Variants in NLRP10 observed in about 807,000 individuals in gnomAD.
The protein encoded by NLRP10 is NLR family pyrin domain containing 10.
A neutral mutation model predicts 8.2 loss-of-function variants in NLRP10; 7 were observed. The observed-to-expected ratio is 0.85, with a 90% CI of 0.48 to 1.60. The LOEUF (loss-of-function observed/expected upper bound fraction) is 1.60. Ranked by LOEUF, NLRP10 falls within the 40% of genes most tolerant of loss-of-function variation. NLRP10 has a pLI of 0.00. For synonymous variants in NLRP10, 338 were observed against 314.0 expected, an observed-to-expected ratio of 1.08 and a Z score of -0.81; for missense variants, 814 against 776.3, an observed-to-expected ratio of 1.05 and a Z score of -0.58.
chr11:7,962,253 T>TTTTTTTTTTTTTA (rs1941745038), intron 2 of NLRP10, among the ~76,000 whole-genome samples: 5 of 135,710 alleles, frequency 3.7e-5, no homozygotes, highest in South Asian at 2.5e-4. Context: ...TTTTTTTTTT[T>TTTTTTTTTTTTTA]GAGATGGAGT....
chr11:7,958,092 T>C lies in NLRP10; in HGVS notation c.*1552A>G, dbSNP rs1941649985. ...TGAATACTATTACATTATGTGGATGTATCACAGTTTGCTTATCCATCACCT... is the reference window on the plus strand; with the variant it reads ...TGAATACTATTACATTATGTGGATGCATCACAGTTTGCTTATCCATCACCT... On this transcript the variant is annotated 3_prime_UTR_variant, in exon 3 of 3. Coordinates refer to ENST00000691676, the MANE Select transcript of NLRP10 (RefSeq NM_001391958.1). Among the ~76,000 whole-genome samples, 1 of 152,220 alleles carries C rather than the reference T, an allele frequency of 6.6e-6. No individual in the cohort carries two copies. Among genetic ancestry groups the C allele is most frequent in the Non-Finnish European group, 1.5e-5 (1 of 68,040 alleles).
chr11:7,961,031 G>GT lies in NLRP10; in HGVS notation c.580dup (p.Thr194AsnfsTer8). The GT allele has an allele frequency of 6.2e-7, 1 of 1,614,192 alleles. No homozygotes were observed. The highest frequency in any genetic ancestry group is 8.5e-7 in the Non-Finnish European group (1 of 1,180,030). On this transcript the variant is annotated frameshift_variant, in exon 3 of 3. Coordinates refer to ENST00000691676, the MANE Select transcript of NLRP10 (RefSeq NM_001391958.1). LOFTEE classifies it low-confidence loss of function (END_TRUNC). ...ATAATCAAACCGGCCTGGGTACAGAGTACCGGTGGCCCAGTCCAACACCAT... is the reference window on the plus strand; with the variant it reads ...ATAATCAAACCGGCCTGGGTACAGAGTTACCGGTGGCCCAGTCCAACACCAT...
In NLRP10 at chr11:7,957,893, C is replaced by G. The variant is rs1428588210; in HGVS notation, c.*1751G>C. 6.6e-6 allele frequency among the ~76,000 whole-genome samples: 1 copy of G among 152,148 alleles called. No homozygotes were observed. The highest frequency in any genetic ancestry group is 1.5e-5 in the Non-Finnish European group (1 of 68,030). Reference sequence around the variant, plus strand: ...TTATCTCTCCCTGACTCTCCTTGAACCCCTGACAACCACTGATTTTTAATT... The same window carrying G: ...TTATCTCTCCCTGACTCTCCTTGAAGCCCTGACAACCACTGATTTTTAATT... On this transcript the variant is annotated 3_prime_UTR_variant, in exon 3 of 3. Coordinates refer to ENST00000691676, the MANE Select transcript of NLRP10 (RefSeq NM_001391958.1).
chr11:7,959,383 T>A lies in NLRP10; in HGVS notation c.*261A>T, dbSNP rs548566733. On this transcript the variant is annotated 3_prime_UTR_variant, in exon 3 of 3. Transcript: ENST00000691676. The stretch of plus-strand genomic sequence containing the variant: ...CCAACTTTGTTCTTCTTCAATATTT[T>A]ATTGGCTATTCTGAGTCTTTTGCCT... 22 of 370,596 alleles carry A rather than the reference T, an allele frequency of 5.9e-5. 1 individual carries two copies. The South Asian group carries it at 1.7e-3, about 29-fold the overall frequency. The allele number at this position is 370,596 out of a possible 1,614,324, so 23.0% of individuals were successfully genotyped here. A position where few individuals can be genotyped will look rare whatever the true frequency, so the allele number is the denominator to read the frequency against.
intron 1 of NLRP10, 137 bp downstream of exon 1, chr11:7,965,108 AC>A (rs1183533211): frequency 6.6e-6 from 1 of 152,264 alleles, no homozygotes; most frequent in Non-Finnish European, 1.5e-5. Flanking sequence ...GGATCAATTT[AC>A]AACAAAGCTT....
In NLRP10 at chr11:7,963,680, G is replaced by A. The variant is rs114784697; in HGVS notation, c.-45-140C>T. On this transcript the variant is annotated intron_variant, in intron 1 of 2. Coordinates refer to ENST00000691676, the MANE Select transcript of NLRP10 (RefSeq NM_001391958.1). The stretch of plus-strand genomic sequence containing the variant: ...TCCAAGAAAGACAAGCAGATGAAAC[G>A]CAGGGGAATTTTCCTAGTCATTCCC... 905 of 591,116 alleles carry A rather than the reference G, an allele frequency of 1.5e-3. 6 individuals carry two copies. In the African/African-American group the frequency reaches 0.015, roughly 10 times the overall value. 36.6% of individuals were successfully genotyped at this position (591,116 alleles called of 1,614,324 possible). A position where few individuals can be genotyped will look rare whatever the true frequency, so the allele number is the denominator to read the frequency against.
rs1241593716 is a variant in NLRP10 at position 7,959,362 on chromosome 11, CT to C, written c.*281del. 11 of 315,406 alleles carry C rather than the reference CT, an allele frequency of 3.5e-5. No individual in the cohort carries two copies. Among genetic ancestry groups the C allele is most frequent in the Non-Finnish European group, 5.7e-5 (10 of 175,934 alleles). 19.5% of individuals were successfully genotyped at this position (315,406 alleles called of 1,614,324 possible). A position where few individuals can be genotyped will look rare whatever the true frequency, so the allele number is the denominator to read the frequency against. On this transcript the variant is annotated 3_prime_UTR_variant, in exon 3 of 3. Transcript: ENST00000691676. ...AAGTTGGATAGCAGCACTCCTCCAA[CT>C]TTGTTCTTCTTCAATATTTTATTGG...
intron 1 of NLRP10, among the ~76,000 whole-genome samples, chr11:7,963,903 GA>G (rs1454012526): frequency 1.3e-5 from 2 of 150,414 alleles, no homozygotes; most frequent in Admixed American, 6.6e-5. Flanking sequence ...GATGGATTAA[GA>G]AAAAAAAGTC....
rs527561955 is a variant in NLRP10, at chr11:7,957,775, C to G, written c.*1869G>C. On this transcript the variant is annotated 3_prime_UTR_variant, in exon 3 of 3. Transcript: ENST00000691676. ...GATTCACTCTTTGTATTGTACAGCT[C>G]TATGCGTTTTGAAAAATTTATGTCA... Among the ~76,000 whole-genome samples, 2 of 152,232 alleles carry G rather than the reference C, an allele frequency of 1.3e-5. No individual in the cohort carries two copies. Among genetic ancestry groups the G allele is most frequent in the Admixed American group, 6.5e-5 (1 of 15,302 alleles).
At position 7,961,127 on chromosome 11, in the gene NLRP10, G is replaced by A. The variant is rs1941719338; in HGVS notation, c.485C>T (p.Pro162Leu). The A allele has an allele frequency of 1.2e-6, 2 of 1,614,052 alleles. 1 individual carries two copies. Among genetic ancestry groups the A allele is most frequent in the East Asian group, 4.5e-5 (2 of 44,874 alleles). ...VEALFDSGEK[P>L]SLAPSLVVLQ... ...CACAACTAAGGATGGGGCCAGTGAG[G>A]GCTTTTCCCCTGAATCAAATAGAGC... The change falls in exon 3 of 3, where the codon CCC becomes CTC. Residue 162 changes from proline (P) to leucine (L), a missense_variant. By Grantham distance (98) the Pro-to-Leu change is moderately conservative (BLOSUM62 -3). Transcript: ENST00000691676.
intron 1 of NLRP10, 189 bp from the exon 2 acceptor site, chr11:7,963,729 C>T (rs1016853889): frequency 1.6e-5 from 9 of 560,406 alleles, no homozygotes; most frequent in African/African-American, 3.8e-5. Flanking sequence ...TCAGGTGACA[C>T]GTGACTGTGT....
intron 1 of NLRP10, among the ~76,000 whole-genome samples, chr11:7,964,451 G>A (rs948206768): frequency 7.2e-5 from 11 of 152,198 alleles, no homozygotes; most frequent in African/African-American, 2.4e-4. Flanking sequence ...AAGAGGAACC[G>A]CCACCTGTGA....
rs189591377 is a variant in NLRP10 at position 7,961,408 on chromosome 11, T to C, written c.290-86A>G. 17 of 836,498 alleles carry C rather than the reference T, an allele frequency of 2.0e-5. No individual in the cohort carries two copies. The Admixed American group carries it at 2.9e-4, about 14-fold the overall frequency. The allele number at this position is 836,498 out of a possible 1,614,324, so 51.8% of individuals were successfully genotyped here. On this transcript the variant is annotated intron_variant, in intron 2 of 2. Transcript: ENST00000691676. ...CCTCCAAACTGACTCTGCTCATTAG[T>C]CTTCTTGTATGTCTCCAACTTGGAT...
At position 7,960,414 on chromosome 11, in the gene NLRP10, C is replaced by A; in HGVS notation, c.1198G>T (p.Gly400Cys). The A allele has an allele frequency of 1.2e-6, 2 of 1,613,994 alleles. No individual in the cohort carries two copies. The highest frequency in any genetic ancestry group is 1.1e-5 in the South Asian group (1 of 91,074). ...STFLPPDDDGGCSELSRHRVL... is the reference protein window; with the variant it reads ...STFLPPDDDGCCSELSRHRVL... ...CTGTGCCGGGAAAGCTCGGAGCAGC[C>A]CCCATCATCATCGGGCGGCAGAAAG... The change falls in exon 3 of 3, where the codon GGC becomes TGC. Residue 400 changes from glycine to cysteine, a missense_variant. Coordinates refer to ENST00000691676, the MANE Select transcript of NLRP10 (RefSeq NM_001391958.1).
Position 7,960,633 on chromosome 11 carries a change from A to G in NLRP10, c.979T>C (p.Tyr327His), listed in dbSNP as rs767241055. The change falls in exon 3 of 3, where the codon TAT (tyrosine) becomes CAT (histidine). Residue 327 changes from tyrosine (Y) to histidine (H), a missense_variant. Coordinates refer to ENST00000691676, the MANE Select transcript of NLRP10 (RefSeq NM_001391958.1). ...TCAGCTTGCTTCTCATCCGTGAAAT[A>G]GGAGCTGAAGTACCTCGCCCTCTCC... Reference protein sequence around the residue: ...EEERARYFSSYFTDEKQADRA... With the variant: ...EEERARYFSSHFTDEKQADRA... 6.2e-7 allele frequency: 1 copy of G among 1,614,210 alleles called. No homozygotes were observed. Among genetic ancestry groups the G allele is most frequent in the East Asian group, 2.2e-5 (1 of 44,884 alleles).
rs373514352 is a variant in NLRP10, at chr11:7,960,121, C to A, written c.1491G>T (p.Arg497Ser). 1.9e-6 allele frequency: 3 copies of A among 1,613,972 alleles called. No homozygotes were observed. The highest frequency in any genetic ancestry group is 1.6e-4 in the Middle Eastern group (1 of 6,082). The change falls in exon 3 of 3, where the codon AGG becomes AGT. Residue 497 changes from arginine to serine, a missense_variant. Transcript: ENST00000691676. ...LGKESRREVQ[R>S]LLEVKEQEGN... ...CTTCCTGCTCCTTTACCTCCAGCAGCCTTTGCACTTCTCTGCGGGACTCCT... is the reference window on the plus strand; with the variant it reads ...CTTCCTGCTCCTTTACCTCCAGCAGACTTTGCACTTCTCTGCGGGACTCCT...
chr11:7,962,757 C>T (rs1017750494), intron 2 of NLRP10, among the ~76,000 whole-genome samples: 2 of 152,098 alleles, frequency 1.3e-5, no homozygotes, highest in African/African-American at 4.8e-5. Context: ...TCCCACACCA[C>T]CCATTCTGTA....
Position 7,960,438 on chromosome 11 carries a change from A to T in NLRP10, c.1174T>A (p.Phe392Ile), listed in dbSNP as rs766603529. The T allele has an allele frequency of 4.7e-5, 76 of 1,613,952 alleles. No homozygotes were observed. The highest frequency in any genetic ancestry group is 6.4e-5 in the Non-Finnish European group (76 of 1,180,042). The change falls in exon 3 of 3, where the codon TTT becomes ATT. Residue 392 changes from phenylalanine to isoleucine, a missense_variant. Physicochemically the swap from Phe to Ile is conservative, Grantham distance 21. Transcript: ENST00000691676. Reference protein sequence around the residue: ...TDIFMAYVSTFLPPDDDGGCS... With the variant: ...TDIFMAYVSTILPPDDDGGCS... ...CCCCCATCATCATCGGGCGGCAGAA[A>T]GGTGGAGACGTAAGCCATGAAGATG...
rs962040149 is a variant in NLRP10 at position 7,958,539 on chromosome 11, T to C, written c.*1105A>G. 6.6e-6 allele frequency among the ~76,000 whole-genome samples: 1 copy of C among 152,122 alleles called. No homozygotes were observed. Among genetic ancestry groups the C allele is most frequent in the Non-Finnish European group, 1.5e-5 (1 of 68,006 alleles). ...GTATCTTCTTTAATAAGCTGTCTGTTCCAATCTTTTTACTCACCTTTTTTT... is the reference window on the plus strand; with the variant it reads ...GTATCTTCTTTAATAAGCTGTCTGTCCCAATCTTTTTACTCACCTTTTTTT... On this transcript the variant is annotated 3_prime_UTR_variant, in exon 3 of 3. Transcript: ENST00000691676.
Sources: allele counts gnomAD v4.1 joint callset (sites outside exome capture counted in the v4.1 genomes callset), GRCh38; gene constraint gnomAD v4.1.1; transcripts MANE v1.5; gene names NCBI Gene and HGNC (gene_info 2026-07-23, HGNC 2026-07-21).